NRXN1: variants seen among roughly 807,000 people sequenced by gnomAD.
The protein encoded by NRXN1 is neurexin 1.
Under a neutral mutation model 150.9 loss-of-function variants are expected in NRXN1, and 39 were observed. The observed-to-expected ratio is 0.26, with a 90% CI of 0.20 to 0.34. The LOEUF is 0.34. Ranked by LOEUF, NRXN1 falls within the 10% of genes least tolerant of loss-of-function variation. NRXN1 has a pLI of 1.00. For missense variants in NRXN1, 1,815 were observed against 1,949.9 expected (o/e 0.93, Z 1.30); for synonymous variants, 924 against 757.0 (o/e 1.22, Z -3.62).
chr2:50,691,399 T>C (rs1692046662), intron 5 of NRXN1, among the ~76,000 whole-genome samples: 1 of 152,214 alleles, frequency 6.6e-6, no homozygotes, highest in Non-Finnish European at 1.5e-5. Context: ...TGGTATCTCA[T>C]AAGACATTTT....
At chr2:50,209,643 T>C (rs1210331917) in intron 18 of NRXN1, among the ~76,000 whole-genome samples, 1 of 152,234 alleles carries the variant, frequency 6.6e-6, no homozygotes, top group Non-Finnish European at 1.5e-5. Context: ...TTTGGTTCTG[T>C]CACAACACAG....
intron 17 of NRXN1, among the ~76,000 whole-genome samples, chr2:50,420,394 C>T (rs2083888253): frequency 6.6e-6 from 1 of 151,318 alleles, no homozygotes; most frequent in Non-Finnish European, 1.5e-5. Flanking sequence ...CACATACATA[C>T]ATGTACACAC....
intron 18 of NRXN1, among the ~76,000 whole-genome samples, chr2:50,165,546 A>G: frequency 6.6e-6 from 1 of 152,204 alleles, no homozygotes; most frequent in African/African-American, 2.4e-5. Flanking sequence ...ACGAGGTTTC[A>G]GCATGTTGGC....
Position 50,775,042 on chromosome 2 carries a change from A to G in NRXN1, c.832+146827T>C, listed in dbSNP as rs1254695114. Among the ~76,000 whole-genome samples the G allele has an allele frequency of 2.0e-5, 3 of 152,218 alleles. No individual in the cohort carries two copies. The South Asian group carries it at 6.2e-4, about 32-fold the overall frequency. On this transcript the variant is annotated intron_variant, in intron 5 of 22. Transcript: ENST00000401669. ...TTAAGCCCAAGAACTTTGCATTCCT[A>G]CTGCTCTACTCCATCCTTTGCTTTA...
In NRXN1 at chr2:50,434,447, G is replaced by A. The variant is rs919500421; in HGVS notation, c.3364+30995C>T. Among the ~76,000 whole-genome samples the A allele has an allele frequency of 3.9e-5, 6 of 152,094 alleles. No homozygotes were observed. The East Asian group carries it at 1.2e-3, about 30-fold the overall frequency. On this transcript the variant is annotated intron_variant, in intron 17 of 22. Transcript: ENST00000401669. ...GACTTCATCTTGAAGAGAAACAAAT[G>A]AATAAACTACCACTACCTCTCAAAG...
rs368323394 is a variant in NRXN1, at chr2:50,526,460, G to C, written c.2374+2165C>G. Among the ~76,000 whole-genome samples, 58 of 152,196 alleles carry C rather than the reference G, an allele frequency of 3.8e-4. 1 individual carries two copies. The South Asian group carries it at 0.01, about 27-fold the overall frequency. ...CACAGAGGACACATGTAATAACTCA[G>C]TCTTTCATTAAACTGCAAGTTATAC... On this transcript the variant is annotated intron_variant, in intron 12 of 22. Transcript: ENST00000401669.
chr2:50,117,277 T>A (rs61147510), intron 18 of NRXN1, among the ~76,000 whole-genome samples: 2,054 of 152,202 alleles, frequency 0.013, 59 homozygotes, highest in African/African-American at 0.047. Context: ...GTCGGCAAGA[T>A]CCCCAGAGTG....
intron 18 of NRXN1, among the ~76,000 whole-genome samples, chr2:50,120,412 G>A (rs1230455723): frequency 6.6e-6 from 1 of 152,062 alleles, no homozygotes; most frequent in Non-Finnish European, 1.5e-5. Context: ...CCAGAAACAA[G>A]ATATTTGCAA....
chr2:50,742,018 T>C (rs1377759266), intron 5 of NRXN1, among the ~76,000 whole-genome samples: 1 of 151,424 alleles, frequency 6.6e-6, no homozygotes, highest in East Asian at 1.9e-4. Context: ...TATCAATAAC[T>C]CACAACCACA....
chr2:50,386,515 C>T (rs2081338285), intron 17 of NRXN1, among the ~76,000 whole-genome samples: 1 of 151,864 alleles, frequency 6.6e-6, no homozygotes, highest in African/African-American at 2.4e-5. Context: ...AGAGCAAAGT[C>T]ATAATAAGAT....
In NRXN1 at chr2:50,495,926, C is replaced by A. The variant is rs2091583014; in HGVS notation, c.3049G>T (p.Ala1017Ser). The A allele has an allele frequency of 6.2e-7, 1 of 1,607,192 alleles. No homozygotes were observed. Among genetic ancestry groups the A allele is most frequent in the East Asian group, 2.2e-5 (1 of 44,814 alleles). ...TTACTCTTGAGGTCTAAGTTCCTGG[C>A]TCCGGCGGTGATTTGCGTTGTGATT... is the stretch of plus-strand genomic sequence containing the variant. ...TKITTQITAG[A>S]RNLDLKSDLY... Residue 1017 changes from alanine to serine, a missense_variant, in exon 15 of 23, where the codon GCC (alanine) becomes TCC (serine). By Grantham distance (99) the Ala-to-Ser change is moderately conservative. Transcript: ENST00000401669.
chr2:50,239,056 G>A (rs565225170), intron 17 of NRXN1, among the ~76,000 whole-genome samples: 2 of 149,028 alleles, frequency 1.3e-5, no homozygotes, highest in Non-Finnish European at 3.0e-5. Flanking sequence ...AAATCCCAGG[G>A]CTTTCCTGAG....
At chr2:50,899,111 C>T (rs1682502176) in intron 5 of NRXN1, among the ~76,000 whole-genome samples, 1 of 152,088 alleles carries the variant, frequency 6.6e-6, no homozygotes, top group Non-Finnish European at 1.5e-5. Flanking sequence ...AATTAAACTA[C>T]AGTCGCTAAA....
At chr2:50,221,729 C>T (rs1185003016) in intron 18 of NRXN1, among the ~76,000 whole-genome samples, 14 of 151,996 alleles carry the variant, frequency 9.2e-5, no homozygotes, top group Admixed American at 9.2e-4. Flanking sequence ...TTTTCCACTA[C>T]TGAACATCTT....
At chr2:50,877,578 A>C (rs1196274871) in intron 5 of NRXN1, among the ~76,000 whole-genome samples, 2 of 151,938 alleles carry the variant, frequency 1.3e-5, no homozygotes, top group African/African-American at 2.4e-5. Flanking sequence ...TATATACTTT[A>C]ATTGTTCTTT....
At chr2:50,759,438 G>A (rs996325485) in intron 5 of NRXN1, among the ~76,000 whole-genome samples, 21 of 151,710 alleles carry the variant, frequency 1.4e-4, no homozygotes, top group African/African-American at 2.2e-4. Context: ...AAAAGGAATC[G>A]GGCACTAATT....
At position 50,692,163 on chromosome 2, in the gene NRXN1, GA is replaced by G. The variant is rs538488599; in HGVS notation, c.833-68549del. Among the ~76,000 whole-genome samples, 18 of 149,994 alleles carry G rather than the reference GA, an allele frequency of 1.2e-4. No homozygotes were observed. In the South Asian group the frequency reaches 1.3e-3, roughly 11 times the overall value. On this transcript the variant is annotated intron_variant, in intron 5 of 22. Transcript: ENST00000401669. Reference sequence around the variant, plus strand: ...GCCTAGTTAACAAAGAAATTTTACAGAAAAAAAAATGCCTTGGTAAATATTA... The same window carrying G: ...GCCTAGTTAACAAAGAAATTTTACAGAAAAAAAATGCCTTGGTAAATATTA...
intron 8 of NRXN1, among the ~76,000 whole-genome samples, chr2:50,600,173 T>C (rs1239490913): frequency 2.0e-5 from 3 of 152,220 alleles, no homozygotes; most frequent in East Asian, 1.9e-4. Flanking sequence ...ATGCACATAA[T>C]GTATCATAAT....
chr2:50,094,699 T>C (rs1179411864), intron 18 of NRXN1, among the ~76,000 whole-genome samples: 2 of 151,922 alleles, frequency 1.3e-5, no homozygotes, highest in African/African-American at 2.4e-5. Flanking sequence ...TAGAATTGTA[T>C]TGTATCCTGT....
Sources: allele counts gnomAD v4.1 joint callset (sites outside exome capture counted in the v4.1 genomes callset), GRCh38; gene constraint gnomAD v4.1.1; transcripts MANE v1.5; gene names NCBI Gene and HGNC (gene_info 2026-07-23, HGNC 2026-07-21).